LRP1B: variants seen among roughly 807,000 people sequenced by gnomAD.
LRP1B encodes the protein LDL receptor related protein 1B.
Under a neutral mutation model 556.6 loss-of-function variants are expected in LRP1B, and 217 were observed. That is an observed-to-expected ratio of 0.39 (90% confidence interval 0.35 to 0.44). The LOEUF (loss-of-function observed/expected upper bound fraction) is 0.44. LRP1B is among the 20% of genes least tolerant of loss of function. The pLI is 1.00. For missense variants in LRP1B, 5,053 were observed against 5,620.8 expected (o/e 0.90, Z 3.23); for synonymous variants, 2,047 against 1,865.8 (o/e 1.10, Z -2.50).
intron 1 of LRP1B, among the ~76,000 whole-genome samples, chr2:142,114,388 C>G (rs1359601336): frequency 6.6e-6 from 1 of 151,962 alleles, no homozygotes; most frequent in Non-Finnish European, 1.5e-5. Flanking sequence ...AAGTATTGAA[C>G]AGTTCTAGTC....
At chr2:140,964,307 A>G (rs892854193) in intron 18 of LRP1B, among the ~76,000 whole-genome samples, 12 of 152,166 alleles carry the variant, frequency 7.9e-5, no homozygotes, top group Non-Finnish European at 1.5e-4. Flanking sequence ...ACAGCATCAC[A>G]GGGAGACAGG....
intron 89 of LRP1B, among the ~76,000 whole-genome samples, chr2:140,237,025 A>G (rs191530823): frequency 6.6e-6 from 1 of 151,140 alleles, no homozygotes; most frequent in African/African-American, 2.4e-5. Flanking sequence ...TGTGGCGAGA[A>G]CATTAAAAAT....
intron 75 of LRP1B, among the ~76,000 whole-genome samples, chr2:140,354,681 C>T (rs976176723): frequency 5.3e-5 from 8 of 151,910 alleles, no homozygotes; most frequent in African/African-American, 1.7e-4. Flanking sequence ...CTGGCCTGAA[C>T]CATCATTTTC....
At chr2:140,975,537 G>A (rs1696569637) in intron 18 of LRP1B, among the ~76,000 whole-genome samples, 1 of 151,830 alleles carries the variant, frequency 6.6e-6, no homozygotes, top group Non-Finnish European at 1.5e-5. Flanking sequence ...AGTCTGGCCA[G>A]CAATGAGGGA....
At chr2:141,386,585 C>T (rs114427713) in intron 3 of LRP1B, among the ~76,000 whole-genome samples, 5,488 of 151,776 alleles carry the variant, frequency 0.036, 134 homozygotes, top group African/African-American at 0.061. Context: ...TAACATCAAA[C>T]GAATTAGACT....
chr2:141,306,123 C>T (rs1399615599), intron 3 of LRP1B, among the ~76,000 whole-genome samples: 2 of 125,344 alleles, frequency 1.6e-5, no homozygotes, highest in Non-Finnish European at 3.4e-5. Flanking sequence ...TGGAAAATTA[C>T]CTACTCTTCA....
In LRP1B at chr2:141,825,529, T is replaced by C. The variant is rs188677259; in HGVS notation, c.83-15128A>G. Among the ~76,000 whole-genome samples the C allele has an allele frequency of 2.2e-3, 340 of 152,336 alleles. 1 individual carries two copies. The highest frequency in any genetic ancestry group is 7.8e-3 in the African/African-American group (324 of 41,590). Reference sequence around the variant, plus strand: ...GATTTTCCTAGGCTGGTTACTTTTTTTGTAGATGTATATCAAAACCCTAAA... The same window carrying C: ...GATTTTCCTAGGCTGGTTACTTTTTCTGTAGATGTATATCAAAACCCTAAA... On this transcript the variant is annotated intron_variant, in intron 1 of 90. Coordinates refer to ENST00000389484, the MANE Select transcript of LRP1B (RefSeq NM_018557.3).
intron 35 of LRP1B, among the ~76,000 whole-genome samples, chr2:140,748,604 T>TATATAC (rs1688434264): frequency 9.2e-6 from 1 of 108,780 alleles, no homozygotes; most frequent in African/African-American, 4.2e-5. Context: ...TATATATATA[T>TATATAC]ATATATATAT....
intron 57 of LRP1B, among the ~76,000 whole-genome samples, chr2:140,490,268 G>T (rs900978310): frequency 6.6e-6 from 1 of 152,074 alleles, no homozygotes; most frequent in South Asian, 2.1e-4. Context: ...ATATTGGAAA[G>T]GTACTTGATT....
At chr2:141,116,827 C>T (rs1054747480) in intron 7 of LRP1B, among the ~76,000 whole-genome samples, 5 of 151,810 alleles carry the variant, frequency 3.3e-5, no homozygotes, top group African/African-American at 1.2e-4. Context: ...CTTATTTCTA[C>T]GAGATGACTT....
chr2:140,999,440 T>C (rs541993143), intron 15 of LRP1B, among the ~76,000 whole-genome samples: 1 of 152,224 alleles, frequency 6.6e-6, no homozygotes, highest in South Asian at 2.1e-4. Flanking sequence ...AAAAAATTTC[T>C]CTACTTTCAC....
At chr2:142,090,908 A>G (rs75024503) in intron 1 of LRP1B, among the ~76,000 whole-genome samples, 6,566 of 152,176 alleles carry the variant, frequency 0.043, 231 homozygotes, top group Non-Finnish European at 0.058. Flanking sequence ...TAAAAATACA[A>G]TTTTTAATTT....
intron 1 of LRP1B, among the ~76,000 whole-genome samples, chr2:142,000,310 T>C (rs1248889750): frequency 8.5e-5 from 13 of 152,180 alleles, no homozygotes. Flanking sequence ...TGGGCCATGA[T>C]ATGAGGCACC....
At chr2:140,826,971 T>C (rs1277318013) in intron 31 of LRP1B, among the ~76,000 whole-genome samples, 1 of 152,122 alleles carries the variant, frequency 6.6e-6, no homozygotes, top group Non-Finnish European at 1.5e-5. Flanking sequence ...GCCAGTCTCC[T>C]ACAGAGCCAA....
intron 23 of LRP1B, 80 bp from the exon 24 acceptor site, chr2:140,886,415 T>C: frequency 1.4e-6 from 1 of 704,726 alleles, no homozygotes; most frequent in East Asian, 2.9e-5. Flanking sequence ...AATATATTAT[T>C]TAAAAGTATA....
At chr2:140,368,549 A>G (rs1253275003) in intron 71 of LRP1B, among the ~76,000 whole-genome samples, 17 of 151,878 alleles carry the variant, frequency 1.1e-4, no homozygotes, top group Non-Finnish European at 1.6e-4. Context: ...TTGAGGTCAT[A>G]TATTTTACCT....
intron 2 of LRP1B, among the ~76,000 whole-genome samples, chr2:141,611,909 C>G (rs1201905713): frequency 2.0e-5 from 3 of 152,142 alleles, no homozygotes; most frequent in South Asian, 2.1e-4. Flanking sequence ...TCTTCAGAGA[C>G]TGGTAAAACT....
intron 1 of LRP1B, among the ~76,000 whole-genome samples, chr2:141,980,559 G>A (rs148717075): frequency 2.0e-5 from 3 of 152,198 alleles, no homozygotes; most frequent in African/African-American, 7.2e-5. Context: ...CTGGAAAGAT[G>A]GTTGTAAAAA....
chr2:141,571,829 C>G (rs1686542046), intron 2 of LRP1B, among the ~76,000 whole-genome samples: 1 of 152,030 alleles, frequency 6.6e-6, no homozygotes. Flanking sequence ...AAAAAGATAT[C>G]ATAGCCTGAA....
Sources: gnomAD v4.1 joint callset for allele counts (sites outside exome capture counted in the v4.1 genomes callset) on GRCh38, gnomAD v4.1.1 for gene constraint, MANE v1.5 for transcripts, NCBI Gene and HGNC (gene_info 2026-07-23, HGNC 2026-07-21) for gene names.